ST6GALNAC3: variants seen among roughly 807,000 people sequenced by gnomAD.
ST6GALNAC3 encodes the protein alpha-N-acetylgalactosaminide alpha-2,6-sialyltransferase 3.
Under a neutral mutation model 32.7 loss-of-function variants are expected in ST6GALNAC3, and 25 were observed. That is an observed-to-expected ratio of 0.76 (90% CI 0.56 to 1.07). ST6GALNAC3 has a LOEUF of 1.07. ST6GALNAC3 is among the 50% of genes least tolerant of loss of function. ST6GALNAC3 has a pLI of 0.00. For missense variants in ST6GALNAC3, 355 were observed against 382.4 expected (o/e 0.93, Z 0.60); for synonymous variants, 129 against 133.1 (o/e 0.97, Z 0.21).
intron 3 of ST6GALNAC3, among the ~76,000 whole-genome samples, chr1:76,526,893 T>C (rs1379771839): frequency 6.6e-6 from 1 of 152,084 alleles, no homozygotes; most frequent in African/African-American, 2.4e-5. Flanking sequence ...AAAAAGCCAG[T>C]TGTAGAAAAT....
chr1:76,160,781 C>G (rs1651755429), intron 1 of ST6GALNAC3, among the ~76,000 whole-genome samples: 1 of 152,176 alleles, frequency 6.6e-6, no homozygotes, highest in African/African-American at 2.4e-5. Flanking sequence ...AGTGCAAGCT[C>G]TTATTTCCTT....
chr1:76,169,351 CCTGACCTTT>C (rs1652328294), intron 1 of ST6GALNAC3, among the ~76,000 whole-genome samples: 2 of 152,138 alleles, frequency 1.3e-5, no homozygotes, highest in East Asian at 3.9e-4. Flanking sequence ...TTGTAGGTGG[CCTGACCTTT>C]CTCTCTAGCT....
intron 3 of ST6GALNAC3, among the ~76,000 whole-genome samples, chr1:76,574,193 G>C (rs537939151): frequency 1.3e-5 from 2 of 152,040 alleles, no homozygotes; most frequent in Non-Finnish European, 2.9e-5. Context: ...ATATGGCACA[G>C]TTTTGAGTGA....
intron 3 of ST6GALNAC3, among the ~76,000 whole-genome samples, chr1:76,571,396 C>A (rs572599152): frequency 4.6e-4 from 70 of 152,158 alleles, no homozygotes; most frequent in African/African-American, 1.6e-3. Context: ...AAAAAGGCAA[C>A]TTCCGCACTT....
chr1:76,403,799 A>AAATAATCAAGAG (rs1553191818), intron 2 of ST6GALNAC3, among the ~76,000 whole-genome samples: 21 of 152,098 alleles, frequency 1.4e-4, no homozygotes, highest in African/African-American at 5.1e-4. Context: ...AAGGAGAAAA[A>AAATAATCAAGAG]AATAATCAAG....
intron 1 of ST6GALNAC3, among the ~76,000 whole-genome samples, chr1:76,125,303 C>T (rs143704019): frequency 1.7e-4 from 26 of 152,288 alleles, no homozygotes; most frequent in Non-Finnish European, 2.4e-4. Flanking sequence ...ACCTCCTTAT[C>T]GGATCTTGTT....
At chr1:76,146,016 G>A (rs1280113303) in intron 1 of ST6GALNAC3, among the ~76,000 whole-genome samples, 1 of 152,130 alleles carries the variant, frequency 6.6e-6, no homozygotes, top group Non-Finnish European at 1.5e-5. Flanking sequence ...GAAAACGTAT[G>A]GCCATCTAAA....
chr1:76,453,785 G>A (rs1226430274), intron 3 of ST6GALNAC3, among the ~76,000 whole-genome samples: 1 of 152,064 alleles, frequency 6.6e-6, no homozygotes, highest in Non-Finnish European at 1.5e-5. Context: ...GTAAATATCT[G>A]TTAAGTTCAT....
At chr1:76,362,416 A>G (rs144011330) in intron 2 of ST6GALNAC3, among the ~76,000 whole-genome samples, 1 of 152,174 alleles carries the variant, frequency 6.6e-6, no homozygotes, top group Non-Finnish European at 1.5e-5. Flanking sequence ...GGCCTCCCAA[A>G]TCTCATGTCC....
intron 1 of ST6GALNAC3, among the ~76,000 whole-genome samples, chr1:76,117,934 T>G (rs1648593909): frequency 6.6e-6 from 1 of 152,224 alleles, no homozygotes; most frequent in Non-Finnish European, 1.5e-5. Flanking sequence ...CGTGGGACTA[T>G]TATGATTTAG....
At position 76,529,926 on chromosome 1, in the gene ST6GALNAC3, A is replaced by G. The variant is rs149939359; in HGVS notation, c.624-97526A>G. Among the ~76,000 whole-genome samples the G allele has an allele frequency of 7.2e-5, 11 of 152,334 alleles. No individual in the cohort carries two copies. The East Asian group carries it at 2.1e-3, about 29-fold the overall frequency. ...AATGCTCACAAAAGCAGTTCCTCAC[A>G]TGCAGTGATTGCTCCTTAAATATTA... On this transcript the variant is annotated intron_variant, in intron 3 of 4. Coordinates refer to ENST00000328299, the MANE Select transcript of ST6GALNAC3 (RefSeq NM_152996.4).
intron 2 of ST6GALNAC3, among the ~76,000 whole-genome samples, chr1:76,335,979 C>G (rs1023067585): frequency 3.3e-5 from 5 of 152,074 alleles, no homozygotes; most frequent in African/African-American, 1.2e-4. Flanking sequence ...AGTGCCACAG[C>G]TGAAAAAAGT....
chr1:76,535,992 A>G (rs1663573304), intron 3 of ST6GALNAC3, among the ~76,000 whole-genome samples: 1 of 152,192 alleles, frequency 6.6e-6, no homozygotes, highest in Admixed American at 6.5e-5. Context: ...TTAATCAAAC[A>G]TCATTTCAGT....
Position 76,131,279 on chromosome 1 carries a change from A to C in ST6GALNAC3, c.18+56395A>C, listed in dbSNP as rs1023478483. Among the ~76,000 whole-genome samples the C allele has an allele frequency of 3.9e-4, 59 of 152,358 alleles. 1 individual carries two copies. The highest frequency in any genetic ancestry group is 1.4e-3 in the African/African-American group (58 of 41,592). On this transcript the variant is annotated intron_variant, in intron 1 of 4. Coordinates refer to ENST00000328299, the MANE Select transcript of ST6GALNAC3 (RefSeq NM_152996.4). ...CGCATTGGTGATCGAGCGAAAAGCCAAGGCCACTTGTTCTTCAGTGGGATC... is the reference window on the plus strand; with the variant it reads ...CGCATTGGTGATCGAGCGAAAAGCCCAGGCCACTTGTTCTTCAGTGGGATC...
chr1:76,317,570 A>C (rs570638453), intron 2 of ST6GALNAC3, among the ~76,000 whole-genome samples: 1 of 152,208 alleles, frequency 6.6e-6, no homozygotes, highest in South Asian at 2.1e-4. Flanking sequence ...TTGGCCCTTA[A>C]AGTTTTCTCA....
chr1:76,103,488 G>A (rs1413534230), intron 1 of ST6GALNAC3, among the ~76,000 whole-genome samples: 1 of 151,996 alleles, frequency 6.6e-6, no homozygotes, highest in Non-Finnish European at 1.5e-5. Flanking sequence ...ATTAATTTTA[G>A]TTAATGTATT....
At chr1:76,548,186 C>G (rs896548635) in intron 3 of ST6GALNAC3, among the ~76,000 whole-genome samples, 5 of 152,210 alleles carry the variant, frequency 3.3e-5, no homozygotes, top group Admixed American at 2.6e-4. Flanking sequence ...CTGCCCCATT[C>G]TTGCTTTCTT....
intron 3 of ST6GALNAC3, among the ~76,000 whole-genome samples, chr1:76,538,183 G>C (rs1663744304): frequency 6.6e-6 from 1 of 152,168 alleles, no homozygotes. Context: ...GATCAAGTCA[G>C]CTTCATCCCT....
intron 1 of ST6GALNAC3, among the ~76,000 whole-genome samples, chr1:76,108,085 G>C (rs557642039): frequency 6.6e-6 from 1 of 152,132 alleles, no homozygotes; most frequent in South Asian, 2.1e-4. Flanking sequence ...ACTGTGACAC[G>C]GTCAGCTGAC....
Sources: gnomAD v4.1 joint callset for allele counts (sites outside exome capture counted in the v4.1 genomes callset) on GRCh38, gnomAD v4.1.1 for gene constraint, MANE v1.5 for transcripts, NCBI Gene and HGNC (gene_info 2026-07-23, HGNC 2026-07-21) for gene names.